FGD5: variants seen among roughly 807,000 people sequenced by gnomAD.
FGD5 encodes FYVE, RhoGEF and PH domain containing 5, also known as FYVE, RhoGEF and PH domain-containing protein 5.
FGD5 carries 28 observed loss-of-function variants against 133.4 expected under a neutral mutation model. The ratio of observed to expected loss-of-function variants is 0.21; its 90% CI spans 0.16 to 0.29. The LOEUF (loss-of-function observed/expected upper bound fraction) is 0.29, where lower values mean the gene tolerates loss of function less well. Among genes scored for constraint, FGD5 ranks in the 10% least tolerant of loss-of-function variants. The probability of loss-of-function intolerance (pLI) is 1.00; values close to 1 mark genes in which losing one functional copy is unlikely to be tolerated. For missense variants in FGD5, 1,858 were observed against 1,895.2 expected (o/e 0.98, Z 0.36); for synonymous variants, 810 against 776.5 (o/e 1.04, Z -0.72).
At chr3:14,916,397 C>T (rs2038554354) in intron 11 of FGD5, among the ~76,000 whole-genome samples, 1 of 152,190 alleles carries the variant, frequency 6.6e-6, no homozygotes, top group African/African-American at 2.4e-5. Context: ...ACATGTCTTT[C>T]TGTCTGCCCT....
intron 1 of FGD5, among the ~76,000 whole-genome samples, chr3:14,823,368 C>G (rs1030721399): frequency 6.6e-6 from 1 of 152,180 alleles, no homozygotes; most frequent in South Asian, 2.1e-4. Context: ...GTACTCTGAT[C>G]ATGAGGAAGA....
chr3:14,888,359 A>G (rs944986261), intron 4 of FGD5, among the ~76,000 whole-genome samples: 17 of 152,166 alleles, frequency 1.1e-4, no homozygotes, highest in African/African-American at 3.4e-4. Flanking sequence ...ACAGAAACAT[A>G]CAGGATACGT....
Position 14,819,649 on chromosome 3 carries a change from A to G in FGD5, c.578A>G (p.Asp193Gly), listed in dbSNP as rs1294232710. 28 of 1,547,970 alleles carry G rather than the reference A, an allele frequency of 1.8e-5. No individual in the cohort carries two copies. Among genetic ancestry groups the G allele is most frequent in the Non-Finnish European group, 2.4e-5 (28 of 1,145,568 alleles). The change falls in exon 1 of 20, where the codon GAC becomes GGC. Residue 193 changes from aspartate to glycine, a missense_variant. Physicochemically the swap from Asp to Gly is moderately conservative, Grantham distance 94. Coordinates refer to ENST00000285046, the MANE Select transcript of FGD5 (RefSeq NM_152536.4). This position sits in a 1 kb window ranked among gnomAD's most constrained non-coding sequence, Gnocchi z 4.1. ...GCTGGAGAGGGGGTCTTCCAGAGCG[A>G]CCTCCTCCTGCCTCACATCCATGGA... Reference protein sequence around the residue: ...PWAGEGVFQSDLLLPHIHGED... With the variant: ...PWAGEGVFQSGLLLPHIHGED...
At chr3:14,828,352 AGAG>A (rs1172723940) in intron 1 of FGD5, among the ~76,000 whole-genome samples, 3 of 152,194 alleles carry the variant, frequency 2.0e-5, no homozygotes, top group Admixed American at 6.5e-5. Context: ...GGCAGGAGAA[AGAG>A]GAGAGAACGT....
At chr3:14,893,745 CTT>C (rs1184804114) in intron 4 of FGD5, among the ~76,000 whole-genome samples, 5 of 89,112 alleles carry the variant, frequency 5.6e-5, no homozygotes, top group African/African-American at 1.7e-4. Flanking sequence ...TCTTTCTTTT[CTT>C]TTTTCTTTTT....
At chr3:14,889,805 T>G (rs913549708) in intron 4 of FGD5, among the ~76,000 whole-genome samples, 1 of 152,174 alleles carries the variant, frequency 6.6e-6, no homozygotes, top group Non-Finnish European at 1.5e-5. Flanking sequence ...TAAAACGGAA[T>G]CCTTCGTTCT....
intron 1 of FGD5, among the ~76,000 whole-genome samples, chr3:14,850,218 C>T (rs1221123159): frequency 2.0e-5 from 3 of 152,182 alleles, no homozygotes; most frequent in Non-Finnish European, 4.4e-5. Context: ...GAGTTAGGTG[C>T]TCAGGACCCA....
intron 8 of FGD5, 33 bp downstream of exon 8, chr3:14,900,486 C>G (rs1409059875): frequency 1.2e-6 from 2 of 1,609,386 alleles, no homozygotes; most frequent in Non-Finnish European, 1.7e-6. Context: ...GGGAGGTACT[C>G]AAGCCTGCTC....
intron 18 of FGD5, among the ~76,000 whole-genome samples, chr3:14,928,749 T>A (rs551658508): frequency 2.0e-5 from 3 of 152,080 alleles, no homozygotes; most frequent in Admixed American, 6.6e-5. Context: ...TCTTAAAAAA[T>A]AATAATAATA....
At chr3:14,920,310 G>C (rs907828249) in intron 13 of FGD5, 3 of 151,944 alleles carry the variant, frequency 2.0e-5, no homozygotes, top group Admixed American at 1.3e-4. Flanking sequence ...GTGTGAAATG[G>C]GATCTAAATG....
chr3:14,842,797 C>T (rs573498096), intron 1 of FGD5, among the ~76,000 whole-genome samples: 4 of 152,304 alleles, frequency 2.6e-5, no homozygotes, highest in Admixed American at 2.0e-4. Context: ...TTGTCTCTCT[C>T]CTTCTTTCAC....
intron 1 of FGD5, among the ~76,000 whole-genome samples, chr3:14,852,787 T>C (rs892001407): frequency 2.6e-5 from 4 of 152,152 alleles, no homozygotes; most frequent in African/African-American, 7.2e-5. Context: ...ATGCTATCCC[T>C]TGGCTGACCC....
At chr3:14,930,419 A>C (rs2038883271) in intron 18 of FGD5, among the ~76,000 whole-genome samples, 2 of 152,160 alleles carry the variant, frequency 1.3e-5, no homozygotes, top group Non-Finnish European at 1.5e-5. Flanking sequence ...AACACAATGA[A>C]ACCCCGTCTC....
In FGD5 at chr3:14,921,909, T is replaced by C; in HGVS notation, c.3570-9T>C. 1.3e-6 allele frequency: 2 copies of C among 1,558,958 alleles called. No individual in the cohort carries two copies. The highest frequency in any genetic ancestry group is 1.7e-6 in the Non-Finnish European group (2 of 1,151,224). On this transcript the variant is annotated splice_polypyrimidine_tract_variant and intron_variant, in intron 13 of 19. Coordinates refer to ENST00000285046, the MANE Select transcript of FGD5 (RefSeq NM_152536.4). ...TCCTGCCTTTGCTCACTCCAGCCCATGCCCGCAGCTCCTGTGCAGAGAGGG... is the reference window on the plus strand; with the variant it reads ...TCCTGCCTTTGCTCACTCCAGCCCACGCCCGCAGCTCCTGTGCAGAGAGGG...
rs766441753 is a variant in FGD5 at position 14,821,326 on chromosome 3, C to T, written c.2255C>T (p.Pro752Leu). Reference sequence around the variant, plus strand: ...TCCTTTGAAGACCGCTCCCGGCCGCCCTTCCTGCCCTTGCCACTGACCAAG... The same window carrying T: ...TCCTTTGAAGACCGCTCCCGGCCGCTCTTCCTGCCCTTGCCACTGACCAAG... The part of the protein sequence containing the change: ...VESFEDRSRP[P>L]FLPLPLTKPR... The change falls in exon 1 of 20, where the codon CCC (proline) becomes CTC (leucine). Residue 752 changes from proline to leucine, a missense_variant. Physicochemically the swap from Pro to Leu is moderately conservative, Grantham distance 98. Around this residue, in one of 3 missense-constraint regions of FGD5, gnomAD observed 1,824 missense variants for 1,848.9 expected, o/e 0.99. Transcript: ENST00000285046. The T allele has an allele frequency of 3.7e-6, 6 of 1,614,014 alleles. No homozygotes were observed. The South Asian group carries it at 6.6e-5, about 18-fold the overall frequency.
rs1553621401 is a variant in FGD5, at chr3:14,812,030, G to GTGTA, written c.13+1166_13+1167insGTAT. ...TGTGTGTGTGTGTGTGTGTGTGTGTGTATGTATGTGTGTGTGTGTGTAGGA... is the reference window on the plus strand; with the variant it reads ...TGTGTGTGTGTGTGTGTGTGTGTGTGTGTATATGTATGTGTGTGTGTGTGTAGGA... On this transcript the variant is annotated intron_variant, in intron 1 of 1. Transcript: ENST00000640506. Among the ~76,000 whole-genome samples, 74 of 98,692 alleles carry GTGTA rather than the reference G, an allele frequency of 7.5e-4. 1 individual carries two copies. Among genetic ancestry groups the GTGTA allele is most frequent in the African/African-American group, 2.3e-3 (72 of 31,132 alleles). The allele number at this position is 98,692 out of a possible 152,430, so 64.7% of individuals were successfully genotyped here.
At chr3:14,860,428 C>T (rs1254633145) in intron 1 of FGD5, among the ~76,000 whole-genome samples, 1 of 152,102 alleles carries the variant, frequency 6.6e-6, no homozygotes, top group East Asian at 1.9e-4. Flanking sequence ...ATAAATGAGC[C>T]AGAAATATCA....
intron 9 of FGD5, among the ~76,000 whole-genome samples, chr3:14,906,337 C>A (rs567572945): frequency 2.0e-5 from 3 of 152,200 alleles, no homozygotes; most frequent in East Asian, 1.9e-4. Context: ...TGGCCTTAGA[C>A]AGGTTTCTGG....
intron 1 of FGD5, among the ~76,000 whole-genome samples, chr3:14,859,537 G>A (rs1470723325): frequency 6.6e-6 from 1 of 151,750 alleles, no homozygotes; most frequent in African/African-American, 2.4e-5. Flanking sequence ...TCCAGCCTGG[G>A]TGACAGAGCG....
Sources: allele counts gnomAD v4.1 joint callset (sites outside exome capture counted in the v4.1 genomes callset), GRCh38; gene constraint gnomAD v4.1.1; regional missense constraint gnomAD v4.1.1; non-coding constraint Gnocchi (gnomAD v3.1); transcripts MANE v1.5; gene names NCBI Gene and HGNC (gene_info 2026-07-23, HGNC 2026-07-21).